UBE2E1: variants seen among roughly 807,000 people sequenced by gnomAD.
UBE2E1 encodes ubiquitin-conjugating enzyme E2 E1.
In UBE2E1, 6 loss-of-function variants were observed where a neutral mutation model predicts 21.4. That is an observed-to-expected ratio of 0.28 (90% CI 0.15 to 0.55). The LOEUF (loss-of-function observed/expected upper bound fraction) is 0.55, where lower values mean the gene tolerates loss of function less well. Ranked by LOEUF, UBE2E1 falls within the 20% of genes least tolerant of loss-of-function variation. UBE2E1 has a pLI of 0.93. For missense variants in UBE2E1, 142 were observed against 236.5 expected (o/e 0.60, Z 2.62); for synonymous variants, 87 against 82.7 (o/e 1.05, Z -0.28).
chr3:23,816,169 G>A lies in UBE2E1; in HGVS notation c.203+4659G>A, dbSNP rs376123956. 1.3e-5 allele frequency among the ~76,000 whole-genome samples: 2 copies of A among 152,126 alleles called. No individual in the cohort carries two copies. The highest frequency in any genetic ancestry group is 4.8e-5 in the African/African-American group (2 of 41,416). On this transcript the variant is annotated intron_variant, in intron 3 of 5. Transcript: ENST00000306627. The surrounding 1 kb of genome is among the most constrained non-coding windows in gnomAD (Gnocchi z 4.8). ...CCTCAGAAAGCTAAACAGAATTACC[G>A]TATGACCCAGTAATTTTACTGCTAT...
At chr3:23,865,444 C>G (rs905729128) in intron 3 of UBE2E1, among the ~76,000 whole-genome samples, 1 of 152,166 alleles carries the variant, frequency 6.6e-6, no homozygotes, top group Non-Finnish European at 1.5e-5. Context: ...GCCTCAACTT[C>G]CTAGGGCTCA....
intron 3 of UBE2E1, among the ~76,000 whole-genome samples, chr3:23,854,506 G>T (rs1700394611): frequency 6.6e-6 from 1 of 152,148 alleles, no homozygotes; most frequent in Non-Finnish European, 1.5e-5. Context: ...TCCATCCTTG[G>T]CCTGAAGCCT....
intron 3 of UBE2E1, among the ~76,000 whole-genome samples, chr3:23,861,048 G>A (rs868684776): frequency 1.3e-5 from 2 of 152,190 alleles, no homozygotes; most frequent in Non-Finnish European, 2.9e-5. Context: ...TAACAATACC[G>A]CAGGGAGACT....
intron 2 of UBE2E1, among the ~76,000 whole-genome samples, chr3:23,809,237 C>T (rs926294832): frequency 6.6e-6 from 1 of 151,730 alleles, no homozygotes. Context: ...TTAAAGCAGA[C>T]CTAAAGTTAA....
rs1196584827 is a variant in UBE2E1, at chr3:23,891,555, A to G, written c.*949A>G. 5 of 152,200 alleles carry G rather than the reference A, an allele frequency of 3.3e-5. No individual in the cohort carries two copies. Among genetic ancestry groups the G allele is most frequent in the African/African-American group, 4.8e-5 (2 of 41,456 alleles). The allele number at this position is 152,200 out of a possible 1,614,324, so 9.4% of individuals were successfully genotyped here. ...AACCCTACTGCATCTTTTTAAAAGC[A>G]TTTTCTGACTTGCAGATGCTGTAGT... On this transcript the variant is annotated 3_prime_UTR_variant, in exon 6 of 6. Transcript: ENST00000306627.
intron 3 of UBE2E1, among the ~76,000 whole-genome samples, chr3:23,828,715 G>A (rs1041595595): frequency 2.0e-5 from 3 of 152,162 alleles, no homozygotes; most frequent in African/African-American, 4.8e-5. Context: ...TAAAATAAAC[G>A]TTACATAGCT....
intron 3 of UBE2E1, among the ~76,000 whole-genome samples, chr3:23,821,842 T>C (rs1367493986): frequency 1.3e-5 from 2 of 152,156 alleles, no homozygotes; most frequent in Non-Finnish European, 2.9e-5. Flanking sequence ...TTGAAATCTG[T>C]TCCCATGAGG....
chr3:23,847,477 A>G (rs1035391955), intron 3 of UBE2E1, among the ~76,000 whole-genome samples: 4 of 149,160 alleles, frequency 2.7e-5, no homozygotes, highest in African/African-American at 7.4e-5. Flanking sequence ...GTGTGTGTAC[A>G]TGTACTTTAA....
intron 3 of UBE2E1, among the ~76,000 whole-genome samples, chr3:23,855,824 C>T (rs1016780064): frequency 5.3e-5 from 8 of 151,160 alleles, no homozygotes; most frequent in Non-Finnish European, 8.8e-5. Context: ...AGTAAGACTC[C>T]GTCTCAAAAA....
At chr3:23,879,485 A>G (rs750124638) in intron 3 of UBE2E1, 128 of 336,880 alleles carry the variant, frequency 3.8e-4, no homozygotes, top group Middle Eastern at 8.6e-4. Context: ...GTGGTCTGAT[A>G]GTCCATTTCC....
chr3:23,884,783 C>T lies in UBE2E1; in HGVS notation c.204-2784C>T, dbSNP rs146671014. ...ATTGTCAGTACTGGATTTTAGAGAG[C>T]CTGGCTTCTGTGAATGAACTCTTGG... On this transcript the variant is annotated intron_variant, in intron 3 of 5. Transcript: ENST00000306627. Among the ~76,000 whole-genome samples, 305 of 152,206 alleles carry T rather than the reference C, an allele frequency of 2.0e-3. 11 individuals carry two copies. The highest frequency in any genetic ancestry group is 0.017 in the Admixed American group (263 of 15,280).
chr3:23,884,974 A>T (rs772712552), intron 3 of UBE2E1, among the ~76,000 whole-genome samples: 21 of 152,242 alleles, frequency 1.4e-4, no homozygotes, highest in Non-Finnish European at 2.1e-4. Context: ...TCATAGCTGT[A>T]TCAGCCAGTG....
intron 3 of UBE2E1, among the ~76,000 whole-genome samples, chr3:23,829,807 G>A (rs1372736893): frequency 6.6e-6 from 1 of 152,212 alleles, no homozygotes; most frequent in African/African-American, 2.4e-5. Context: ...ATGTCTGAAA[G>A]AGAAGCAGAT....
chr3:23,812,074 C>G (rs1425998916), intron 3 of UBE2E1, among the ~76,000 whole-genome samples: 1 of 152,050 alleles, frequency 6.6e-6, no homozygotes, highest in Admixed American at 6.5e-5. Flanking sequence ...TTGCTTTATT[C>G]AGACTGTATA....
At chr3:23,879,902 G>T (rs768710403) in intron 3 of UBE2E1, among the ~76,000 whole-genome samples, 11 of 152,188 alleles carry the variant, frequency 7.2e-5, no homozygotes, top group Non-Finnish European at 1.5e-4. Context: ...CAAGGGTCCT[G>T]TCTCCCAATA....
intron 3 of UBE2E1, among the ~76,000 whole-genome samples, chr3:23,854,243 CAAAAAAA>C (rs754330255): frequency 1.1e-4 from 6 of 55,686 alleles, no homozygotes; most frequent in African/African-American, 3.5e-4. Flanking sequence ...GACTCAGTCT[CAAAAAAA>C]AAAAAAAAAA....
chr3:23,866,551 G>A (rs559957377), intron 3 of UBE2E1: 7 of 152,226 alleles, frequency 4.6e-5, no homozygotes, highest in East Asian at 3.9e-4. Flanking sequence ...CATCTTTCTT[G>A]TTCTCTTTGC....
intron 3 of UBE2E1, among the ~76,000 whole-genome samples, chr3:23,866,005 C>T (rs563239163): frequency 1.2e-4 from 19 of 152,246 alleles, no homozygotes; most frequent in Middle Eastern, 3.4e-3. Context: ...ACCAAGGATT[C>T]GCCTGGGTGA....
chr3:23,840,488 C>G lies in UBE2E1; in HGVS notation c.203+28978C>G, dbSNP rs180755180. Among the ~76,000 whole-genome samples the G allele has an allele frequency of 1.4e-4, 22 of 152,224 alleles. No individual in the cohort carries two copies. In the East Asian group the frequency reaches 4.2e-3, roughly 29 times the overall value. On this transcript the variant is annotated intron_variant, in intron 3 of 5. Coordinates refer to ENST00000306627, the MANE Select transcript of UBE2E1 (RefSeq NM_003341.5). ...GCCTGCTTTTAAGCTTTTAAGGCCT[C>G]CTTTTGAAGCCTGCTTTTGAGAGTG...
Sources: gnomAD v4.1 joint callset for allele counts (sites outside exome capture counted in the v4.1 genomes callset) on GRCh38, gnomAD v4.1.1 for gene constraint, Gnocchi (gnomAD v3.1) non-coding constraint, MANE v1.5 for transcripts, NCBI Gene and HGNC (gene_info 2026-07-23, HGNC 2026-07-21) for gene names.